The following PPP1R12B variants were observed in gnomAD, a reference collection of about 807,000 sequenced individuals.
PPP1R12B encodes the protein protein phosphatase 1 regulatory subunit 12B, also known as myosin phosphatase target subunit 2.
A neutral mutation model predicts 126.1 loss-of-function variants in PPP1R12B; 76 were observed. That is an observed-to-expected ratio of 0.60 (90% confidence interval 0.50 to 0.73). The LOEUF is 0.73. Ranked by LOEUF, PPP1R12B falls within the 30% of genes least tolerant of loss-of-function variation. The pLI is 0.00. For synonymous variants in PPP1R12B, 356 were observed against 434.7 expected (o/e 0.82, Z 2.25); for missense variants, 1,052 against 1,205.1 (o/e 0.87, Z 1.88).
chr1:202,468,920 A>C (rs1458768310), intron 13 of PPP1R12B, among the ~76,000 whole-genome samples: 7 of 152,166 alleles, frequency 4.6e-5, no homozygotes, highest in Non-Finnish European at 8.8e-5. Flanking sequence ...GTGACAGAGC[A>C]AGATTCTGTC....
chr1:202,451,153 A>T (rs1672868892), intron 13 of PPP1R12B, among the ~76,000 whole-genome samples: 1 of 150,014 alleles, frequency 6.7e-6, no homozygotes. Context: ...TAGTAGTATG[A>T]TTTATTTATT....
At chr1:202,484,034 A>G (rs1387297161) in intron 13 of PPP1R12B, among the ~76,000 whole-genome samples, 21 of 152,132 alleles carry the variant, frequency 1.4e-4, no homozygotes. Flanking sequence ...TAGGCAGTAT[A>G]TAGTTGGGTC....
chr1:202,439,575 AG>A, intron 10 of PPP1R12B: 1 of 1,380,542 alleles, frequency 7.2e-7, no homozygotes, highest in Non-Finnish European at 1.0e-6. Flanking sequence ...CTGACCACCC[AG>A]GTGGCCGCCA....
At chr1:202,526,349 G>A (rs1683347921) in intron 18 of PPP1R12B, among the ~76,000 whole-genome samples, 1 of 152,176 alleles carries the variant, frequency 6.6e-6, no homozygotes, top group Non-Finnish European at 1.5e-5. Context: ...AAGGGGTAAA[G>A]TATTTATCTA....
intron 1 of PPP1R12B, among the ~76,000 whole-genome samples, chr1:202,367,868 G>A (rs12036501): frequency 0.43 from 65,840 of 151,964 alleles, 15,618 homozygotes; most frequent in East Asian, 0.7. Flanking sequence ...AATGTTGGAG[G>A]TGGGACCTGG....
At chr1:202,353,253 A>G (rs1295419118) in intron 1 of PPP1R12B, among the ~76,000 whole-genome samples, 3 of 152,156 alleles carry the variant, frequency 2.0e-5, no homozygotes, top group Non-Finnish European at 4.4e-5. Context: ...TTCTACATTT[A>G]TTACTCATTC....
At chr1:202,500,259 CTCTG>C (rs1680067655) in intron 18 of PPP1R12B, among the ~76,000 whole-genome samples, 1 of 152,040 alleles carries the variant, frequency 6.6e-6, no homozygotes, top group Non-Finnish European at 1.5e-5. Context: ...CTCACTGTCT[CTCTG>C]TCTTTCAAAG....
intron 18 of PPP1R12B, among the ~76,000 whole-genome samples, chr1:202,553,517 T>C (rs1229243349): frequency 1.3e-5 from 2 of 152,228 alleles, no homozygotes; most frequent in African/African-American, 2.4e-5. Flanking sequence ...TTCATGCCTT[T>C]TCTAAAATAT....
intron 18 of PPP1R12B, among the ~76,000 whole-genome samples, chr1:202,532,604 A>G (rs1684069644): frequency 6.6e-6 from 1 of 152,096 alleles, no homozygotes; most frequent in African/African-American, 2.4e-5. Flanking sequence ...GCCTCATTGT[A>G]CCTTCAGCCC....
chr1:202,457,703 A>T (rs1387478754), intron 13 of PPP1R12B, among the ~76,000 whole-genome samples: 1 of 152,176 alleles, frequency 6.6e-6, no homozygotes, highest in Non-Finnish European at 1.5e-5. Context: ...AGCATAGAGG[A>T]GGGGAATCTA....
chr1:202,562,928 G>A lies in PPP1R12B; in HGVS notation c.2652+6G>A, dbSNP rs749241732. The A allele has an allele frequency of 6.4e-7, 1 of 1,553,362 alleles. No individual in the cohort carries two copies. The highest frequency in any genetic ancestry group is 2.1e-5 in the Admixed American group (1 of 46,552). ...GCAACAGAGATTATAAAAAAGTAGG[G>A]TCTTTATTCAATTTTCCGGTTCTTT... On this transcript the variant is annotated splice_donor_region_variant and intron_variant, in intron 20 of 23. Coordinates refer to ENST00000608999, the MANE Select transcript of PPP1R12B (RefSeq NM_002481.4).
At chr1:202,575,925 A>G (rs974595043) in intron 23 of PPP1R12B, 3 of 152,260 alleles carry the variant, frequency 2.0e-5, no homozygotes, top group African/African-American at 7.2e-5. Context: ...ACTACCAGCA[A>G]AAACACTCTG....
intron 13 of PPP1R12B, among the ~76,000 whole-genome samples, chr1:202,486,386 T>C (rs1456583539): frequency 1.3e-5 from 2 of 152,180 alleles, no homozygotes; most frequent in Non-Finnish European, 2.9e-5. Context: ...AAGGGTATTG[T>C]TAACAACTTG....
intron 1 of PPP1R12B, among the ~76,000 whole-genome samples, chr1:202,351,650 G>T (rs1218468401): frequency 6.6e-6 from 1 of 152,232 alleles, no homozygotes; most frequent in Non-Finnish European, 1.5e-5. Flanking sequence ...GAAATGGAGA[G>T]TGAGTGGTAC....
chr1:202,510,399 A>G (rs1046964607), intron 18 of PPP1R12B, among the ~76,000 whole-genome samples: 7 of 152,292 alleles, frequency 4.6e-5, no homozygotes, highest in Admixed American at 1.3e-4. Flanking sequence ...AGCGGGTGGA[A>G]GTCCTGGAAA....
chr1:202,467,106 G>A (rs1675098651), intron 13 of PPP1R12B, among the ~76,000 whole-genome samples: 1 of 151,878 alleles, frequency 6.6e-6, no homozygotes, highest in African/African-American at 2.4e-5. Flanking sequence ...CTACAGTGCA[G>A]CATTAGTGAT....
At chr1:202,413,176 T>C (rs1305460081) in intron 1 of PPP1R12B, among the ~76,000 whole-genome samples, 5 of 151,926 alleles carry the variant, frequency 3.3e-5, no homozygotes, top group Non-Finnish European at 7.4e-5. Context: ...CAAACCTAGA[T>C]TGACAGTTTT....
intron 22 of PPP1R12B, 112 bp from the exon 23 acceptor site, chr1:202,569,035 C>T: frequency 8.4e-7 from 1 of 1,183,510 alleles, no homozygotes; most frequent in Non-Finnish European, 1.2e-6. Context: ...TTGCCTGAGT[C>T]AGCAGACAAA....
intron 18 of PPP1R12B, among the ~76,000 whole-genome samples, chr1:202,511,802 G>T: frequency 8.1e-6 from 1 of 123,910 alleles, no homozygotes; most frequent in Non-Finnish European, 1.6e-5. Flanking sequence ...TTGAGATGGA[G>T]TTTCGCTCTT....
Sources: gnomAD v4.1 joint callset for allele counts (sites outside exome capture counted in the v4.1 genomes callset) on GRCh38, gnomAD v4.1.1 for gene constraint, MANE v1.5 for transcripts, NCBI Gene and HGNC (gene_info 2026-07-23, HGNC 2026-07-21) for gene names.